Variants in AHRR observed in about 807,000 individuals in gnomAD.
AHRR encodes the protein ahR repressor.
A neutral mutation model predicts 44.0 loss-of-function variants in AHRR; 28 were observed. That is an observed-to-expected ratio of 0.64 (90% CI 0.47 to 0.87). The LOEUF is 0.87. Among genes scored for constraint, AHRR ranks in the 40% least tolerant of loss-of-function variants. The pLI, the probability that AHRR is intolerant of heterozygous loss-of-function variation, is 0.00. For missense variants in AHRR, 990 were observed against 953.9 expected, an observed-to-expected ratio of 1.04 and a Z score of -0.50; for synonymous variants, 434 against 407.0, an observed-to-expected ratio of 1.07 and a Z score of -0.80.
chr5:420,852 C>T, intron 5 of AHRR: 1 of 336,062 alleles, frequency 3.0e-6, no homozygotes, highest in Non-Finnish European at 5.8e-6. Flanking sequence ...ACGCACAGAC[C>T]CACGCACGCA....
chr5:429,974 C>T (rs1244910422), intron 8 of AHRR, among the ~76,000 whole-genome samples: 1 of 152,174 alleles, frequency 6.6e-6, no homozygotes, highest in Non-Finnish European at 1.5e-5. Flanking sequence ...GTCCTGATTC[C>T]GATGCTCCTC....
intron 3 of AHRR, among the ~76,000 whole-genome samples, chr5:368,647 G>C (rs1042836449): frequency 6.6e-6 from 1 of 152,142 alleles, no homozygotes; most frequent in Non-Finnish European, 1.5e-5. Flanking sequence ...CCACGATAAC[G>C]TGGGGTTCCA....
rs982764837 is a variant in AHRR, at chr5:436,563, C to G, written c.*1729C>G. The G allele has an allele frequency of 5.9e-5, 9 of 152,374 alleles. No individual in the cohort carries two copies. Among genetic ancestry groups the G allele is most frequent in the Non-Finnish European group, 1.2e-4 (8 of 68,082 alleles). The allele number at this position is 152,374 out of a possible 1,614,324, so 9.4% of individuals were successfully genotyped here. ...CTCAGTACTGGAAGAGAACAGCCAA[C>G]CATCTGAGCCCAGAGTCACAGATCC... On this transcript the variant is annotated 3_prime_UTR_variant, in exon 11 of 11. Transcript: ENST00000684583.
chr5:373,263 C>T (rs1304291978), intron 3 of AHRR, among the ~76,000 whole-genome samples: 1 of 152,234 alleles, frequency 6.6e-6, no homozygotes, highest in Non-Finnish European at 1.5e-5. Flanking sequence ...GCCCTGCACC[C>T]GGCTGGGTCT....
At chr5:361,470 G>A (rs1743183600) in intron 3 of AHRR, among the ~76,000 whole-genome samples, 1 of 152,214 alleles carries the variant, frequency 6.6e-6, no homozygotes, top group Admixed American at 6.5e-5. Flanking sequence ...GGGAGAGTGT[G>A]CCTGGGGGTG....
chr5:356,013 T>A (rs1560889907), intron 3 of AHRR, among the ~76,000 whole-genome samples: 1 of 152,252 alleles, frequency 6.6e-6, no homozygotes, highest in East Asian at 1.9e-4. Flanking sequence ...GCCTCTTGAC[T>A]TAGAGATGGG....
intron 2 of AHRR, among the ~76,000 whole-genome samples, chr5:353,278 C>T (rs1742922856): frequency 6.6e-6 from 1 of 152,272 alleles, no homozygotes. Flanking sequence ...TTTCATGTTT[C>T]CTGGAATGTG....
At chr5:396,502 C>T (rs907270871) in intron 4 of AHRR, among the ~76,000 whole-genome samples, 4 of 152,204 alleles carry the variant, frequency 2.6e-5, no homozygotes, top group African/African-American at 9.7e-5. Flanking sequence ...GGGCACTTTC[C>T]CACAAGCCCC....
intron 4 of AHRR, among the ~76,000 whole-genome samples, chr5:381,847 A>G (rs1734000817): frequency 6.6e-6 from 1 of 151,924 alleles, no homozygotes; most frequent in Admixed American, 6.6e-5. Context: ...AATGCCTCAT[A>G]TCAGATTAAG....
intron 6 of AHRR, 98 bp from the exon 7 acceptor site, chr5:423,743 A>G (rs987599061): frequency 9.8e-5 from 142 of 1,453,348 alleles, no homozygotes; most frequent in African/African-American, 3.1e-4. Context: ...TAGGGTTTAC[A>G]TGACCTGGCG....
At chr5:344,898 CTG>C (rs1742547220) in intron 2 of AHRR, among the ~76,000 whole-genome samples, 1 of 105,314 alleles carries the variant, frequency 9.5e-6, no homozygotes, top group Non-Finnish European at 1.8e-5. Context: ...CTGTGTGAGA[CTG>C]CGTGTGCAGG....
Position 434,862 on chromosome 5 carries a change from C to T in AHRR, c.*28C>T. 1 of 1,525,176 alleles carries T rather than the reference C, an allele frequency of 6.6e-7. No homozygotes were observed. Among genetic ancestry groups the T allele is most frequent in the South Asian group, 1.2e-5 (1 of 80,538 alleles). 94.5% of individuals were successfully genotyped at this position (1,525,176 alleles called of 1,614,324 possible). A position where few individuals can be genotyped will look rare whatever the true frequency, so the allele number is the denominator to read the frequency against. On this transcript the variant is annotated 3_prime_UTR_variant, in exon 11 of 11. Coordinates refer to ENST00000684583, the MANE Select transcript of AHRR (RefSeq NM_001377236.1). The stretch of plus-strand genomic sequence containing the variant: ...CAGTGACCACCATCCAAGCTCAGAT[C>T]TGTGTGTCTACGCTCAGATGCGTCG...
In AHRR at chr5:343,975, C is replaced by T. The variant is rs1421060471; in HGVS notation, c.62+11C>T. ...GCCCCTGCAGAAACAGTAAAGTATC[C>T]CGCCTTCTGCTTGTGTGGGTTGTTG... On this transcript the variant is annotated intron_variant, in intron 2 of 10. Coordinates refer to ENST00000684583, the MANE Select transcript of AHRR (RefSeq NM_001377236.1). 2 of 1,594,478 alleles carry T rather than the reference C, an allele frequency of 1.3e-6. No individual in the cohort carries two copies. The highest frequency in any genetic ancestry group is 2.4e-5 in the East Asian group (1 of 42,042).
intron 4 of AHRR, among the ~76,000 whole-genome samples, chr5:412,251 ATAGT>A (rs1735495796): frequency 1.3e-5 from 2 of 152,234 alleles, no homozygotes; most frequent in South Asian, 2.1e-4. Flanking sequence ...TTAAGATGCC[ATAGT>A]TAATGTAAAA....
chr5:432,373 A>G (rs532854063), intron 8 of AHRR, 90 bp from the exon 9 acceptor site: 6 of 1,290,570 alleles, frequency 4.6e-6, no homozygotes, highest in South Asian at 1.2e-5. Context: ...AATACCTGTC[A>G]TTATTAATTT....
intron 4 of AHRR, among the ~76,000 whole-genome samples, chr5:401,871 G>A (rs1340946181): frequency 6.6e-6 from 1 of 152,212 alleles, no homozygotes; most frequent in Non-Finnish European, 1.5e-5. Context: ...AGGTGGGTGG[G>A]TTAGCAAGAG....
chr5:330,869 AT>A (rs34221385), intron 1 of AHRR, among the ~76,000 whole-genome samples: 5,051 of 97,372 alleles, frequency 0.052, 46 homozygotes, highest in Non-Finnish European at 0.069. Flanking sequence ...ATAATTCAGC[AT>A]TTTTTTTTTT....
At position 411,672 on chromosome 5, in the gene AHRR, A is replaced by G. The variant is rs558252710; in HGVS notation, c.352-1672A>G. On this transcript the variant is annotated intron_variant, in intron 4 of 10. Coordinates refer to ENST00000684583, the MANE Select transcript of AHRR (RefSeq NM_001377236.1). This position sits in a 1 kb window ranked among gnomAD's most constrained non-coding sequence, Gnocchi z 4.2. The stretch of plus-strand genomic sequence containing the variant: ...TCAGAAATAATATATCTGTTTTCAA[A>G]TTGGCAAAGATTTCAAAAAAAGAAA... 4.6e-5 allele frequency among the ~76,000 whole-genome samples: 7 copies of G among 152,332 alleles called. No homozygotes were observed. The highest frequency in any genetic ancestry group is 8.8e-5 in the Non-Finnish European group (6 of 68,038).
At chr5:347,908 C>A (rs1742732250) in intron 2 of AHRR, among the ~76,000 whole-genome samples, 1 of 152,232 alleles carries the variant, frequency 6.6e-6, no homozygotes, top group African/African-American at 2.4e-5. Context: ...GGGCCGTGTC[C>A]AGTGCTCTGG....
Sources: allele counts gnomAD v4.1 joint callset (sites outside exome capture counted in the v4.1 genomes callset), GRCh38; gene constraint gnomAD v4.1.1; non-coding constraint Gnocchi (gnomAD v3.1); transcripts MANE v1.5; gene names NCBI Gene and HGNC (gene_info 2026-07-23, HGNC 2026-07-21).